The following TDRKH variants were observed in gnomAD, a reference collection of about 807,000 sequenced individuals.
TDRKH encodes the protein tudor and KH domain containing.
TDRKH carries 28 observed loss-of-function variants against 61.3 expected under a neutral mutation model. That is an observed-to-expected ratio of 0.46 (90% CI 0.34 to 0.63). The LOEUF is 0.63. Ranked by LOEUF, TDRKH falls within the 20% of genes least tolerant of loss-of-function variation. The pLI is 0.01. For synonymous variants in TDRKH, 219 were observed against 244.4 expected (o/e 0.90, Z 0.97); for missense variants, 540 against 683.4 (o/e 0.79, Z 2.34).
At chr1:151,770,959 AT>A (rs1423535809), downstream of TDRKH, 4 of 1,405,438 alleles carry the variant, frequency 2.8e-6, no homozygotes, top group Non-Finnish European at 3.8e-6. Context: ...AGCACATCCT[AT>A]ATGCCTGCAC....
In TDRKH at chr1:151,774,799, T is replaced by C. The variant is rs1648993344; in HGVS notation, c.1544A>G (p.Glu515Gly). The change falls in exon 12 of 13, where the codon GAA (glutamate) becomes GGA (glycine). Residue 515 changes from glutamate (E) to glycine (G), a missense_variant. This residue lies in a region of TDRKH where 379 missense variants were observed against 443.8 expected (regional missense o/e 0.85). Coordinates refer to ENST00000368824, the MANE Select transcript of TDRKH (RefSeq NM_001083965.2). ...CAACGTGCTGAGAGAGGCATCTGTT[T>C]CTGTGGCCTGAGTGGATGAAAACAG... ...VPDMLKDMAT[E>G]TDASLSTLLT... 1.9e-6 allele frequency: 3 copies of C among 1,614,210 alleles called. No individual in the cohort carries two copies. The highest frequency in any genetic ancestry group is 2.5e-6 in the Non-Finnish European group (3 of 1,180,008).
At chr1:151,780,560 G>C (rs1372177032) in intron 3 of TDRKH, among the ~76,000 whole-genome samples, 1 of 152,134 alleles carries the variant, frequency 6.6e-6, no homozygotes, top group African/African-American at 2.4e-5. Context: ...TAGTAGAAAA[G>C]GATAATTTGA....
chr1:151,789,168 T>C (rs1318667565), intron 1 of TDRKH, among the ~76,000 whole-genome samples: 2 of 152,180 alleles, frequency 1.3e-5, no homozygotes, highest in Non-Finnish European at 2.9e-5. Context: ...GCTGAGATTA[T>C]AGGTGCGGTT....
At position 151,781,529 on chromosome 1, in the gene TDRKH, C is replaced by T. The variant is rs769721320; in HGVS notation, c.183G>A (p.Gln61=). 6.2e-7 allele frequency: 1 copy of T among 1,613,544 alleles called. No homozygotes were observed. Among genetic ancestry groups the T allele is most frequent in the South Asian group, 1.1e-5 (1 of 91,048 alleles). The change falls in exon 3 of 13, where the codon CAG becomes CAA. Residue 61 remains glutamine (Q), a synonymous_variant. Transcript: ENST00000368824. ...DDIEIEMRVP[Q]EAVKLIIGRQ... is the part of the protein sequence containing the mutation. ...GGCCAATGATGAGTTTCACAGCCTCCTGGGGAACCCGCATCTCTATCTCAA... is the reference window on the plus strand; with the variant it reads ...GGCCAATGATGAGTTTCACAGCCTCTTGGGGAACCCGCATCTCTATCTCAA...
intron 1 of TDRKH, among the ~76,000 whole-genome samples, chr1:151,784,780 C>T (rs1650161920): frequency 6.6e-6 from 1 of 152,108 alleles, no homozygotes; most frequent in African/African-American, 2.4e-5. Flanking sequence ...TATCTAGATG[C>T]TGATAACTTC....
At chr1:151,784,726 T>C (rs1016387230) in intron 1 of TDRKH, among the ~76,000 whole-genome samples, 2 of 152,126 alleles carry the variant, frequency 1.3e-5, no homozygotes, top group African/African-American at 4.8e-5. Flanking sequence ...CTACCTCACT[T>C]TCTTGGTGAT....
At chr1:151,772,128 CTG>C, downstream of TDRKH, 1 of 391,364 alleles carries the variant, frequency 2.6e-6, no homozygotes, top group Non-Finnish European at 4.5e-6. Context: ...CAGCATCTTG[CTG>C]TGTCACACAG....
At chr1:151,769,961 A>C, downstream of TDRKH, 9 of 687,306 alleles carry the variant, frequency 1.3e-5, no homozygotes, top group South Asian at 1.4e-4. Context: ...AATCCCAGGC[A>C]CTCAGCAGGC....
chr1:151,790,166 A>C (rs1400467677), intron 1 of TDRKH, among the ~76,000 whole-genome samples: 1 of 152,134 alleles, frequency 6.6e-6, no homozygotes. Flanking sequence ...TAAGCGGGTG[A>C]CTGGAGCATC....
chr1:151,778,534 A>C (rs771836251), intron 6 of TDRKH, 151 bp downstream of exon 6: 48 of 1,541,274 alleles, frequency 3.1e-5, no homozygotes, highest in Non-Finnish European at 3.9e-5. Flanking sequence ...CCTCCATCCC[A>C]TCTTCAAAAT....
chr1:151,781,328 A>ATATATATATAT (rs1553282748), intron 3 of TDRKH, among the ~76,000 whole-genome samples, 153 bp downstream of exon 3: 6 of 68,588 alleles, frequency 8.7e-5, no homozygotes, highest in African/African-American at 1.5e-4. Flanking sequence ...AAAAAAAAAA[A>ATATATATATAT]ATATATATAT....
chr1:151,768,633 A>G (rs530837115), downstream of TDRKH, among the ~76,000 whole-genome samples: 1 of 152,306 alleles, frequency 6.6e-6, no homozygotes, highest in African/African-American at 2.4e-5. Context: ...TACTGCTCCA[A>G]GTAGGTGTCT....
At chr1:151,772,830 A>C (rs1307955162), downstream of TDRKH, among the ~76,000 whole-genome samples, 1 of 152,132 alleles carries the variant, frequency 6.6e-6, no homozygotes, top group African/African-American at 2.4e-5. Context: ...TTTTCTTTTG[A>C]ATAGTATAGG....
chr1:151,776,335 G>A (rs923514813), intron 7 of TDRKH, 67 bp from the exon 8 acceptor site: 1 of 1,594,282 alleles, frequency 6.3e-7, no homozygotes, highest in Non-Finnish European at 8.6e-7. Context: ...AGAATTGCAG[G>A]AGGAAGAAAG....
chr1:151,773,829 A>C lies in TDRKH; in HGVS notation c.*623T>G, dbSNP rs2101573997. 1 of 152,288 alleles carries C rather than the reference A, an allele frequency of 6.6e-6. No individual in the cohort carries two copies. Among genetic ancestry groups the C allele is most frequent in the South Asian group, 2.1e-4 (1 of 4,826 alleles). The allele number at this position is 152,288 out of a possible 1,614,324, so 9.4% of individuals were successfully genotyped here. ...TGATTCAACTGGAGTCTTTGAGTTC[A>C]CCACTCAAAAGCTTTCCTTAACCAG... On this transcript the variant is annotated 3_prime_UTR_variant, in exon 13 of 13. Coordinates refer to ENST00000368824, the MANE Select transcript of TDRKH (RefSeq NM_001083965.2).
In TDRKH at chr1:151,778,964, T is replaced by C; in HGVS notation, c.604A>G (p.Lys202Glu). The C allele has an allele frequency of 6.2e-7, 1 of 1,614,150 alleles. No homozygotes were observed. Among genetic ancestry groups the C allele is most frequent in the South Asian group, 1.1e-5 (1 of 91,080 alleles). ...GTTTCTGCAGAATGAGCAATTCTCT[T>C]CCGAAGTTCTTCATCTTCTGAAACT... is the stretch of plus-strand genomic sequence containing the variant. ...EKVSEDEELR[K>E]RIAHSAETRV... The change falls in exon 6 of 13, where the codon AAG becomes GAG. Residue 202 changes from lysine (K) to glutamate (E), a missense_variant. Lys to Glu is a moderately conservative substitution (Grantham distance 56). Coordinates refer to ENST00000368824, the MANE Select transcript of TDRKH (RefSeq NM_001083965.2).
downstream of TDRKH, chr1:151,770,317 C>T (rs1648628659): frequency 3.8e-6 from 6 of 1,568,818 alleles, no homozygotes; most frequent in African/African-American, 5.4e-5. Flanking sequence ...ACTCCTTTTC[C>T]TTTATAGGAG....
downstream of TDRKH, chr1:151,767,311 G>A: frequency 6.2e-7 from 1 of 1,612,620 alleles, no homozygotes; most frequent in Non-Finnish European, 8.5e-7. Context: ...TAAGTGGACT[G>A]TGAGCTAGTG....
downstream of TDRKH, chr1:151,766,599 A>T (rs1265276943): frequency 1.8e-6 from 2 of 1,130,648 alleles, no homozygotes; most frequent in African/African-American, 1.5e-5. Flanking sequence ...CTGAGGTGAC[A>T]TAAGGGCTGA....
Sources: allele counts gnomAD v4.1 joint callset (sites outside exome capture counted in the v4.1 genomes callset), GRCh38; gene constraint gnomAD v4.1.1; regional missense constraint gnomAD v4.1.1; transcripts MANE v1.5; gene names NCBI Gene and HGNC (gene_info 2026-07-23, HGNC 2026-07-21).